SIL1: variants seen among roughly 807,000 people sequenced by gnomAD.
SIL1 encodes SIL1 nucleotide exchange factor.
SIL1 carries 40 observed loss-of-function variants against 49.1 expected under a neutral mutation model. The observed-to-expected ratio is 0.81, with a 90% CI of 0.63 to 1.06. The LOEUF is 1.06. Ranked by LOEUF, SIL1 falls within the 50% of genes least tolerant of loss-of-function variation. SIL1 has a pLI of 0.00. For missense variants in SIL1, 500 were observed against 572.6 expected (o/e 0.87, Z 1.29); for synonymous variants, 253 against 250.8 (o/e 1.01, Z -0.08).
chr5:138,998,317 A>AC (rs753557446), intron 7 of SIL1, among the ~76,000 whole-genome samples: 15 of 152,062 alleles, frequency 9.9e-5, no homozygotes, highest in Non-Finnish European at 2.1e-4. Context: ...ACAGGCGCGC[A>AC]CCACCACACT....
intron 5 of SIL1, among the ~76,000 whole-genome samples, chr5:139,040,488 TTTC>T (rs1270953790): frequency 9.1e-6 from 1 of 109,802 alleles, no homozygotes; most frequent in African/African-American, 4.5e-5. Flanking sequence ...TTTTTTCTTT[TTTC>T]TTTTTTCTTT....
At chr5:139,048,305 C>T (rs1412114654) in intron 4 of SIL1, among the ~76,000 whole-genome samples, 5 of 151,524 alleles carry the variant, frequency 3.3e-5, no homozygotes, top group Non-Finnish European at 7.4e-5. Context: ...GCATAATACA[C>T]ACCACACACC....
At chr5:139,009,364 G>A (rs376603846) in intron 7 of SIL1, among the ~76,000 whole-genome samples, 13 of 147,824 alleles carry the variant, frequency 8.8e-5, no homozygotes, top group South Asian at 4.5e-4. Flanking sequence ...GTCTCTGCAC[G>A]TGAGATGGGT....
At chr5:139,143,344 CAT>C (rs1314250793) in intron 1 of SIL1, among the ~76,000 whole-genome samples, 2,683 of 97,332 alleles carry the variant, frequency 0.028, 53 homozygotes, top group East Asian at 0.06. Context: ...CACACACACA[CAT>C]ATATATATAT....
chr5:139,182,459 A>T (rs1225221867), intron 1 of SIL1, among the ~76,000 whole-genome samples: 1 of 152,204 alleles, frequency 6.6e-6, no homozygotes, highest in Non-Finnish European at 1.5e-5. Flanking sequence ...ACTGAATGGT[A>T]ACCAGAAAGA....
chr5:138,992,009 C>A (rs567192218), intron 7 of SIL1, among the ~76,000 whole-genome samples: 33 of 152,350 alleles, frequency 2.2e-4, no homozygotes, highest in African/African-American at 7.7e-4. Flanking sequence ...GTACTGGACT[C>A]CTGATGAGGC....
At chr5:139,057,324 A>G (rs112400723) in intron 3 of SIL1, among the ~76,000 whole-genome samples, 7 of 147,326 alleles carry the variant, frequency 4.8e-5, no homozygotes, top group South Asian at 2.2e-4. Context: ...TAAAAAAAAA[A>G]AAAAGAAAAG....
At chr5:139,177,154 G>A (rs1434054759) in intron 1 of SIL1, among the ~76,000 whole-genome samples, 1 of 152,000 alleles carries the variant, frequency 6.6e-6, no homozygotes, top group African/African-American at 2.4e-5. Context: ...GGATGGTCTC[G>A]ATCTCCTGAC....
At chr5:139,114,291 CA>C (rs1770939432) in intron 3 of SIL1, among the ~76,000 whole-genome samples, 1 of 152,178 alleles carries the variant, frequency 6.6e-6, no homozygotes, top group African/African-American at 2.4e-5. Context: ...TGCTGAGGGG[CA>C]GTGATCAGCC....
intron 7 of SIL1, among the ~76,000 whole-genome samples, chr5:139,016,640 G>A (rs539242438): frequency 1.3e-5 from 2 of 152,252 alleles, no homozygotes; most frequent in South Asian, 4.2e-4. Flanking sequence ...TAATGACATG[G>A]CAGCCAAGAG....
chr5:139,133,447 CA>C (rs1389389890), intron 1 of SIL1: 2 of 152,260 alleles, frequency 1.3e-5, no homozygotes, highest in African/African-American at 4.8e-5. Flanking sequence ...ACAATTCAGA[CA>C]AGACTGGGGG....
rs535751264 is a variant in SIL1, at chr5:138,981,744, C to T, written c.768-29860G>A. 6.6e-5 allele frequency among the ~76,000 whole-genome samples: 10 copies of T among 152,310 alleles called. No individual in the cohort carries two copies. The East Asian group carries it at 1.2e-3, about 18-fold the overall frequency. On this transcript the variant is annotated intron_variant, in intron 7 of 9. Coordinates refer to ENST00000394817, the MANE Select transcript of SIL1 (RefSeq NM_022464.5). ...TGGAGTTTCTGTTCTGTCCCAGATG[C>T]GCAAATCTCACCCAAGTCAGTCCTG...
chr5:138,995,588 T>C (rs1475449579), intron 7 of SIL1, among the ~76,000 whole-genome samples: 2 of 152,228 alleles, frequency 1.3e-5, no homozygotes, highest in Non-Finnish European at 2.9e-5. Context: ...TCCAGTTATT[T>C]TGAAATATAT....
chr5:139,117,313 TTTTTGG>T (rs1771012629), intron 3 of SIL1, among the ~76,000 whole-genome samples: 1 of 152,234 alleles, frequency 6.6e-6, no homozygotes, highest in Non-Finnish European at 1.5e-5. Flanking sequence ...ACTCTACCAC[TTTTTGG>T]TTGTTTGGCT....
intron 3 of SIL1, among the ~76,000 whole-genome samples, chr5:139,060,878 G>A (rs1769571247): frequency 6.6e-6 from 1 of 152,092 alleles, no homozygotes; most frequent in Admixed American, 6.6e-5. Flanking sequence ...GAAGCCTGAG[G>A]CCATGAAGCA....
At chr5:139,105,311 G>T (rs764038230) in intron 3 of SIL1, among the ~76,000 whole-genome samples, 46 of 152,212 alleles carry the variant, frequency 3.0e-4, no homozygotes, top group Non-Finnish European at 5.4e-4. Flanking sequence ...TCCAGAAGAA[G>T]CTAGGCAGGC....
At chr5:139,020,195 G>A (rs574089715) in intron 7 of SIL1, among the ~76,000 whole-genome samples, 1 of 152,124 alleles carries the variant, frequency 6.6e-6, no homozygotes, top group Admixed American at 6.6e-5. Flanking sequence ...AACAAAGGCC[G>A]GCAGTGCCTC....
At chr5:139,056,204 G>A (rs373997651) in intron 3 of SIL1, among the ~76,000 whole-genome samples, 1 of 150,002 alleles carries the variant, frequency 6.7e-6, no homozygotes, top group Non-Finnish European at 1.5e-5. Flanking sequence ...CTGCCCGGCC[G>A]CCATCCCATC....
intron 5 of SIL1, among the ~76,000 whole-genome samples, chr5:139,041,593 C>A (rs1769048953): frequency 6.6e-6 from 1 of 152,090 alleles, no homozygotes; most frequent in Non-Finnish European, 1.5e-5. Flanking sequence ...CATTTGAGGT[C>A]AGGAGTTCGA....
Sources: allele counts gnomAD v4.1 joint callset (sites outside exome capture counted in the v4.1 genomes callset), GRCh38; gene constraint gnomAD v4.1.1; transcripts MANE v1.5; gene names NCBI Gene and HGNC (gene_info 2026-07-23, HGNC 2026-07-21).